The following TRPM3 variants were observed in gnomAD, a reference collection of about 807,000 sequenced individuals.
TRPM3 encodes transient receptor potential cation channel subfamily M member 3.
In TRPM3, 77 loss-of-function variants were observed where a neutral mutation model predicts 181.2. The ratio of observed to expected loss-of-function variants is 0.42; its 90% CI spans 0.35 to 0.51. TRPM3 has a LOEUF of 0.51. Among genes scored for constraint, TRPM3 ranks in the 20% least tolerant of loss-of-function variants. TRPM3 has a pLI of 0.01. For missense variants in TRPM3, 1,759 were observed against 2,196.7 expected, an observed-to-expected ratio of 0.80 and a Z score of 3.98; for synonymous variants, 745 against 796.4, an observed-to-expected ratio of 0.94 and a Z score of 1.09.
chr9:70,772,675 G>A (rs2130612783), intron 7 of TRPM3, among the ~76,000 whole-genome samples: 1 of 152,316 alleles, frequency 6.6e-6, no homozygotes, highest in South Asian at 2.1e-4. Context: ...AGGCAGGGCT[G>A]CCAAACTCTC....
intron 1 of TRPM3, among the ~76,000 whole-genome samples, chr9:71,277,532 T>G (rs2084315762): frequency 6.6e-6 from 1 of 152,220 alleles, no homozygotes; most frequent in Non-Finnish European, 1.5e-5. Context: ...CAAAGGAGTC[T>G]AATTTTTTTT....
At chr9:71,219,729 G>T (rs188136030) in intron 1 of TRPM3, among the ~76,000 whole-genome samples, 4 of 152,252 alleles carry the variant, frequency 2.6e-5, no homozygotes, top group African/African-American at 7.2e-5. Flanking sequence ...TCAGAACCAG[G>T]GCCAATCAGG....
chr9:71,328,095 C>T (rs1157794479), intron 1 of TRPM3, among the ~76,000 whole-genome samples: 1 of 151,658 alleles, frequency 6.6e-6, no homozygotes, highest in African/African-American at 2.4e-5. Flanking sequence ...AAAAAAACCC[C>T]AAGTGACAAG....
At chr9:71,397,593 C>A (rs1191329019) in intron 1 of TRPM3, among the ~76,000 whole-genome samples, 1 of 152,098 alleles carries the variant, frequency 6.6e-6, no homozygotes, top group Non-Finnish European at 1.5e-5. Context: ...TACATTCTTT[C>A]CAAAGCAGAA....
rs188295677 is a variant in TRPM3, at chr9:71,160,007, G to A, written c.183+286646C>T. Among the ~76,000 whole-genome samples the A allele has an allele frequency of 1.1e-4, 17 of 151,948 alleles. No individual in the cohort carries two copies. In the East Asian group the frequency reaches 1.7e-3, roughly 16 times the overall value. On this transcript the variant is annotated intron_variant, in intron 1 of 24. Coordinates refer to the TRPM3 transcript ENST00000357533. ...GACCCTATAGGACTCACCTCCCTAT[G>A]GACTCACCTCCCTACAACCCCACTA...
chr9:71,428,583 G>A (rs2093909064), intron 1 of TRPM3, among the ~76,000 whole-genome samples: 1 of 152,142 alleles, frequency 6.6e-6, no homozygotes, highest in Non-Finnish European at 1.5e-5. Flanking sequence ...CTGTGAGTGT[G>A]TATGTGTGAC....
chr9:70,846,451 T>A lies in TRPM3; in HGVS notation c.603A>T (p.Gln201His). Reference sequence around the variant, plus strand: ...CTTTGATGAGCCCTTTCCCAAAGACTTGCTTGAGTTTTGGCTGGAGTTCAA... The same window carrying A: ...CTTTGATGAGCCCTTTCCCAAAGACATGCTTGAGTTTTGGCTGGAGTTCAA... Reference protein sequence around the residue: ...QNFELQPKLKQVFGKGLIKAA... With the variant: ...QNFELQPKLKHVFGKGLIKAA... The change falls in exon 4 of 26, where the codon CAA becomes CAT. Residue 201 changes from glutamine (Q) to histidine (H), a missense_variant. This residue lies in a region of TRPM3 where 737 missense variants were observed against 957.4 expected (regional missense o/e 0.77). Transcript: ENST00000677713. The A allele has an allele frequency of 4.3e-6, 7 of 1,614,166 alleles. No homozygotes were observed. The highest frequency in any genetic ancestry group is 5.9e-6 in the Non-Finnish European group (7 of 1,180,020).
chr9:71,186,674 A>G (rs184367614), intron 1 of TRPM3, among the ~76,000 whole-genome samples: 4 of 152,218 alleles, frequency 2.6e-5, no homozygotes, highest in African/African-American at 9.6e-5. Context: ...GAGATTACTA[A>G]TTAGAAATAT....
rs531132492 is a variant in TRPM3, at chr9:70,574,828, A to G, written c.3223+16203T>C. Among the ~76,000 whole-genome samples the G allele has an allele frequency of 5.9e-5, 9 of 152,354 alleles. No individual in the cohort carries two copies. In the South Asian group the frequency reaches 1.9e-3, roughly 32 times the overall value. Reference sequence around the variant, plus strand: ...ATCATGGTTTTTCATGATGAGCAGCAGCATAATACCTTGGTTCTGTTTTGC... The same window carrying G: ...ATCATGGTTTTTCATGATGAGCAGCGGCATAATACCTTGGTTCTGTTTTGC... On this transcript the variant is annotated intron_variant, in intron 22 of 25. Coordinates refer to ENST00000677713, the MANE Select transcript of TRPM3 (RefSeq NM_001366145.2).
intron 1 of TRPM3, among the ~76,000 whole-genome samples, chr9:70,992,848 C>T (rs1453581488): frequency 1.3e-5 from 2 of 152,180 alleles, no homozygotes; most frequent in Non-Finnish European, 2.9e-5. Context: ...AAAGTGCCAA[C>T]ACAACAGTGA....
chr9:70,981,751 A>G lies in TRPM3; in HGVS notation c.178-117240T>C, dbSNP rs549134277. 1.4e-4 allele frequency among the ~76,000 whole-genome samples: 21 copies of G among 152,362 alleles called. No individual in the cohort carries two copies. The East Asian group carries it at 3.9e-3, about 28-fold the overall frequency. On this transcript the variant is annotated intron_variant, in intron 1 of 25. Transcript: ENST00000677713. Reference sequence around the variant, plus strand: ...TAATGCTAATAACTATTATCATGCAAGGATGATAACATCTTTTCCCCCATT... The same window carrying G: ...TAATGCTAATAACTATTATCATGCAGGGATGATAACATCTTTTCCCCCATT...
In TRPM3 at chr9:70,827,946, A is replaced by C; in HGVS notation, c.874T>G (p.Phe292Val). ...LTVLNSMHSH[F>V]ILADNGTTGK... ...GTGGTCCCGTTGTCAGCCAGAATGA[A>C]GTGGGAATGCATGCTGTTGAGAACA... is the stretch of plus-strand genomic sequence containing the variant. Residue 292 changes from phenylalanine to valine, a missense_variant, in exon 6 of 26, where the codon TTC becomes GTC. Physicochemically the swap from Phe to Val is conservative, Grantham distance 50. Around this residue, in one of 8 missense-constraint regions of TRPM3, gnomAD observed 737 missense variants for 957.4 expected, o/e 0.77. Transcript: ENST00000677713. 6.2e-7 allele frequency: 1 copy of C among 1,614,138 alleles called. No individual in the cohort carries two copies. The highest frequency in any genetic ancestry group is 1.3e-5 in the African/African-American group (1 of 75,044).
At chr9:71,404,328 A>G (rs1189050012) in intron 1 of TRPM3, among the ~76,000 whole-genome samples, 2 of 152,252 alleles carry the variant, frequency 1.3e-5, no homozygotes, top group African/African-American at 2.4e-5. Flanking sequence ...TCGTTAGGCA[A>G]TAAGTTTGTT....
At chr9:71,269,929 C>A (rs1247018194) in intron 1 of TRPM3, among the ~76,000 whole-genome samples, 1 of 152,130 alleles carries the variant, frequency 6.6e-6, no homozygotes, top group East Asian at 1.9e-4. Flanking sequence ...TTGTATGTCT[C>A]AGTTTTATGA....
At chr9:71,065,706 GCAAA>G (rs1194755252) in intron 1 of TRPM3, among the ~76,000 whole-genome samples, 2 of 152,154 alleles carry the variant, frequency 1.3e-5, no homozygotes, top group African/African-American at 4.8e-5. Flanking sequence ...ATTAAGGAAA[GCAAA>G]CAAAATTTGT....
chr9:70,936,634 T>C (rs1272492005), intron 1 of TRPM3, among the ~76,000 whole-genome samples: 1 of 152,210 alleles, frequency 6.6e-6, no homozygotes, highest in Non-Finnish European at 1.5e-5. Flanking sequence ...AACTGAAAGC[T>C]ACAGTCTTTA....
intron 6 of TRPM3, among the ~76,000 whole-genome samples, chr9:70,808,187 A>T (rs1272600117): frequency 6.6e-6 from 1 of 152,250 alleles, no homozygotes; most frequent in African/African-American, 2.4e-5. Context: ...AACCTATTGT[A>T]TCTGACCAAC....
At chr9:70,765,738 T>C (rs11142576) in intron 7 of TRPM3, among the ~76,000 whole-genome samples, 4,422 of 152,294 alleles carry the variant, frequency 0.029, 227 homozygotes, top group African/African-American at 0.098. Flanking sequence ...GTAACCATGT[T>C]CCTTAGGATA....
chr9:70,568,257 C>G (rs2051181674), intron 22 of TRPM3, among the ~76,000 whole-genome samples: 1 of 152,134 alleles, frequency 6.6e-6, no homozygotes, highest in African/African-American at 2.4e-5. Flanking sequence ...TGACATGGAT[C>G]TGATATAACA....
Sources: gnomAD v4.1 joint callset for allele counts (sites outside exome capture counted in the v4.1 genomes callset) on GRCh38, gnomAD v4.1.1 for gene constraint, gnomAD v4.1.1 regional missense constraint, MANE v1.5 for transcripts, NCBI Gene and HGNC (gene_info 2026-07-23, HGNC 2026-07-21) for gene names.